FAS: variants seen among roughly 807,000 people sequenced by gnomAD.
FAS encodes Fas cell surface death receptor.
A neutral mutation model predicts 33.2 loss-of-function variants in FAS; 5 were observed. The observed-to-expected ratio is 0.15, with a 90% CI of 0.08 to 0.32. FAS has a LOEUF of 0.32. FAS is among the 10% of genes least tolerant of loss of function. The pLI is 1.00. For missense variants in FAS, 339 were observed against 386.0 expected, an observed-to-expected ratio of 0.88 and a Z score of 1.02; for synonymous variants, 131 against 130.7, an observed-to-expected ratio of 1.00 and a Z score of -0.01.
At chr10:89,002,152 T>C (rs1041269204) in intron 1 of FAS, among the ~76,000 whole-genome samples, 2 of 152,198 alleles carry the variant, frequency 1.3e-5, no homozygotes, top group Admixed American at 6.5e-5. Flanking sequence ...TTGCCAATAA[T>C]TGTCTTAAAA....
upstream of FAS, among the ~76,000 whole-genome samples, chr10:88,988,421 T>C (rs989295187): frequency 6.9e-4 from 5 of 7,288 alleles, no homozygotes; most frequent in African/African-American, 8.4e-3. Context: ...TAGAAGTTTT[T>C]TTTTTTTTTT....
intron 1 of FAS, among the ~76,000 whole-genome samples, chr10:88,999,168 TAAATA>T (rs879586985): frequency 1.0e-4 from 7 of 67,732 alleles, no homozygotes; most frequent in East Asian, 3.8e-4. Context: ...AATAAATAAA[TAAATA>T]AAATAAAATA....
At chr10:88,978,486 CT>C (rs1256754954) in intron 2 of FAS, among the ~76,000 whole-genome samples, 6 of 152,206 alleles carry the variant, frequency 3.9e-5, no homozygotes, top group Non-Finnish European at 7.4e-5. Flanking sequence ...GAAAACATAA[CT>C]GTGAATACAT....
chr10:88,996,465 A>T (rs971962267), intron 1 of FAS, among the ~76,000 whole-genome samples: 11 of 152,056 alleles, frequency 7.2e-5, no homozygotes, highest in Non-Finnish European at 1.5e-4. Flanking sequence ...GGATTTAGGG[A>T]GATATTGGTC....
chr10:88,993,841 G>A (rs1046121781), intron 1 of FAS, among the ~76,000 whole-genome samples: 18 of 151,984 alleles, frequency 1.2e-4, no homozygotes, highest in Non-Finnish European at 4.4e-5. Flanking sequence ...ACATCACAAA[G>A]GACTTGAGAA....
At chr10:89,007,629 C>A in intron 2 of FAS, 71 bp from the exon 3 acceptor site, 16 of 1,555,582 alleles carry the variant, frequency 1.0e-5, no homozygotes, top group Admixed American at 1.8e-5. Flanking sequence ...TGTCTGTCAT[C>A]CCTCTATAGT....
chr10:89,014,318 C>G lies in FAS; in HGVS notation c.876C>G (p.Asp292Glu). The stretch of plus-strand genomic sequence containing the variant: ...TTCATGGAAAGAAAGAAGCGTATGA[C>G]ACATTGATTAAAGATCTCAAAAAAG... ...HQLHGKKEAY[D>E]TLIKDLKKAN... is the part of the protein sequence containing the mutation. Residue 292 changes from aspartate (D) to glutamate (E), a missense_variant, in exon 9 of 9, where the codon GAC becomes GAG. Asp to Glu is a conservative substitution (Grantham distance 45, BLOSUM62 2). Coordinates refer to ENST00000652046, the MANE Select transcript of FAS (RefSeq NM_000043.6). The G allele has an allele frequency of 1.2e-6, 2 of 1,613,896 alleles. No individual in the cohort carries two copies. The highest frequency in any genetic ancestry group is 1.7e-6 in the Non-Finnish European group (2 of 1,179,906).
intron 2 of FAS, among the ~76,000 whole-genome samples, chr10:88,978,792 C>T (rs753714162): frequency 6.6e-6 from 1 of 152,118 alleles, no homozygotes; most frequent in Admixed American, 6.6e-5. Flanking sequence ...AATTGTTCCA[C>T]GTCTAATGGT....
chr10:88,964,503 G>T (rs1161367296), intron 1 of FAS, among the ~76,000 whole-genome samples: 2 of 152,166 alleles, frequency 1.3e-5, no homozygotes, highest in African/African-American at 2.4e-5. Flanking sequence ...CTGTTATGTA[G>T]ATTTCCCTGT....
chr10:89,003,043 TGC>T lies in FAS; in HGVS notation c.46_47del (p.Ala16Ter), dbSNP rs1848019699. On this transcript the variant is annotated frameshift_variant, in exon 2 of 9. Transcript: ENST00000652046. LOFTEE classifies it high-confidence loss of function. ...TTATTTTACAGGTTCTTACGTCTGT[TGC>T]TAGATTATCGTCCAAAAGTGTTAAT... Reference protein sequence around the residue: ...TLLPLVLTSVARLSSKSVNAQ... With the variant: ...TLLPLVLTSVXRLSSKSVNAQ... 1 of 1,614,166 alleles carries T rather than the reference TGC, an allele frequency of 6.2e-7. No individual in the cohort carries two copies. Among genetic ancestry groups the T allele is most frequent in the Non-Finnish European group, 8.5e-7 (1 of 1,179,978 alleles).
At chr10:88,970,168 T>C (rs4934431) in intron 1 of FAS, among the ~76,000 whole-genome samples, 113,305 of 152,010 alleles carry the variant, frequency 0.75, 43,219 homozygotes, top group Non-Finnish European at 0.83. Context: ...TTTACTGTAC[T>C]TGGATCAAGG....
chr10:88,978,523 T>C (rs1463826081), intron 2 of FAS, among the ~76,000 whole-genome samples: 2 of 152,226 alleles, frequency 1.3e-5, no homozygotes, highest in Non-Finnish European at 2.9e-5. Context: ...CAGCCTTTCA[T>C]CACCCCTGCT....
In FAS at chr10:89,014,171, T is replaced by C; in HGVS notation, c.729T>C (p.Ser243=). ...ITTIAGVMTL[S]QVKGFVRKNG... Reference sequence around the variant, plus strand: ...CTATTGCTGGAGTCATGACACTAAGTCAAGTTAAAGGCTTTGTTCGAAAGA... The same window carrying C: ...CTATTGCTGGAGTCATGACACTAAGCCAAGTTAAAGGCTTTGTTCGAAAGA... The change falls in exon 9 of 9, where the codon AGT becomes AGC. Residue 243 remains serine, a synonymous_variant. Transcript: ENST00000652046. 1 of 1,613,890 alleles carries C rather than the reference T, an allele frequency of 6.2e-7. No individual in the cohort carries two copies. The highest frequency in any genetic ancestry group is 8.5e-7 in the Non-Finnish European group (1 of 1,179,900).
At chr10:89,010,441 GATGAATAAA>G in intron 4 of FAS, 89 bp from the exon 5 acceptor site, 1 of 924,162 alleles carries the variant, frequency 1.1e-6, no homozygotes, top group East Asian at 2.6e-5. Flanking sequence ...GAGATGCAAA[GATGAATAAA>G]ATGGCCCCTA....
intron 2 of FAS, chr10:88,975,136 A>G (rs1286299396): frequency 6.8e-6 from 1 of 147,544 alleles, no homozygotes; most frequent in Admixed American, 6.8e-5. Flanking sequence ...AAGTGAAACC[A>G]GAATGCTGTC....
upstream of FAS, chr10:88,990,690 C>T (rs1847116674): frequency 1.4e-6 from 1 of 720,890 alleles, no homozygotes; most frequent in African/African-American, 1.7e-5. This position sits in a 1 kb window ranked among gnomAD's most constrained non-coding sequence, Gnocchi z 4.9. Context: ...AAAGACGCTT[C>T]TGGGGAGTGA....
intron 2 of FAS, among the ~76,000 whole-genome samples, chr10:88,978,496 A>G (rs1185914587): frequency 1.5e-4 from 23 of 152,226 alleles, no homozygotes; most frequent in Admixed American, 1.4e-3. Context: ...CTGTGAATAC[A>G]TTTGTTGTAC....
intron 1 of FAS, among the ~76,000 whole-genome samples, chr10:88,994,420 A>C (rs1021358046): frequency 6.6e-6 from 1 of 152,242 alleles, no homozygotes; most frequent in Admixed American, 6.5e-5. Flanking sequence ...ATGATGAAAA[A>C]TAAAATAACA....
intron 3 of FAS, 31 bp downstream of exon 3, chr10:89,007,868 C>T (rs1848318419): frequency 6.2e-7 from 1 of 1,612,998 alleles, no homozygotes; most frequent in East Asian, 2.2e-5. Flanking sequence ...TTGAAAGAGG[C>T]CAATCTTGGA....
Sources: allele counts gnomAD v4.1 joint callset (sites outside exome capture counted in the v4.1 genomes callset), GRCh38; gene constraint gnomAD v4.1.1; non-coding constraint Gnocchi (gnomAD v3.1); transcripts MANE v1.5; gene names NCBI Gene and HGNC (gene_info 2026-07-23, HGNC 2026-07-21).